RNLS: variants seen among roughly 807,000 people sequenced by gnomAD.
The protein encoded by RNLS is renalase, FAD dependent amine oxidase.
Under a neutral mutation model 39.8 loss-of-function variants are expected in RNLS, and 39 were observed. The ratio of observed to expected loss-of-function variants is 0.98; its 90% CI spans 0.76 to 1.28. The LOEUF is 1.28. Among genes scored for constraint, RNLS ranks in the 50% most tolerant of loss-of-function variants. The probability of loss-of-function intolerance (pLI) is 0.00; values close to 1 mark genes in which losing one functional copy is unlikely to be tolerated. For missense variants in RNLS, 410 were observed against 413.3 expected (o/e 0.99, Z 0.07); for synonymous variants, 147 against 150.7 (o/e 0.98, Z 0.18).
At chr10:88,313,503 T>G (rs1589525919) in intron 6 of RNLS, among the ~76,000 whole-genome samples, 3 of 152,208 alleles carry the variant, frequency 2.0e-5, no homozygotes, top group Non-Finnish European at 4.4e-5. Context: ...TCCCCAAAGA[T>G]TCACTGTGTA....
intron 4 of RNLS, among the ~76,000 whole-genome samples, chr10:88,549,442 T>C (rs1424032236): frequency 2.0e-5 from 3 of 150,900 alleles, no homozygotes. Flanking sequence ...GGTATGCACC[T>C]ATAGTCCCAG....
the RNLS span, among the ~76,000 whole-genome samples, chr10:88,199,748 T>G: frequency 1.3e-5 from 2 of 152,102 alleles, no homozygotes; most frequent in Non-Finnish European, 2.9e-5. Flanking sequence ...AGGGAAAACA[T>G]CTAGATGACC....
At position 88,403,282 on chromosome 10, in the gene RNLS, A is replaced by C. The variant is rs78219446; in HGVS notation, c.527-40557T>G. On this transcript the variant is annotated intron_variant, in intron 4 of 6. Coordinates refer to ENST00000331772, the MANE Select transcript of RNLS (RefSeq NM_001031709.3). ...TTATTTTGATCTTGATCAAACATACAAACTTATATATACATGTGCACATAT... is the reference window on the plus strand; with the variant it reads ...TTATTTTGATCTTGATCAAACATACCAACTTATATATACATGTGCACATAT... 8.1e-3 allele frequency among the ~76,000 whole-genome samples: 1,228 copies of C among 152,234 alleles called. 55 individuals carry two copies. In the East Asian group the frequency reaches 0.12, roughly 15 times the overall value.
intron 4 of RNLS, among the ~76,000 whole-genome samples, chr10:88,390,534 C>T (rs1406875180): frequency 1.3e-5 from 2 of 152,068 alleles, no homozygotes; most frequent in African/African-American, 4.8e-5. Context: ...GAGCAGGGAC[C>T]ATAGCACACA....
intron 5 of RNLS, among the ~76,000 whole-genome samples, chr10:88,352,769 G>A (rs1764940765): frequency 6.6e-6 from 1 of 152,208 alleles, no homozygotes; most frequent in African/African-American, 2.4e-5. Context: ...AGTTTCAGAA[G>A]GAATGGTACC....
chr10:88,346,375 G>A (rs1165206592), intron 5 of RNLS, among the ~76,000 whole-genome samples: 1 of 152,070 alleles, frequency 6.6e-6, no homozygotes, highest in East Asian at 1.9e-4. Context: ...AGGTTTTACT[G>A]ACAATACTAT....
chr10:88,434,231 T>C (rs1195886299), intron 4 of RNLS, among the ~76,000 whole-genome samples: 3 of 152,164 alleles, frequency 2.0e-5, no homozygotes, highest in East Asian at 1.9e-4. Flanking sequence ...CTAGTCGATG[T>C]AGTCATATCG....
rs1436469941 is a variant in RNLS at position 88,548,695 on chromosome 10, ATATAT to A, written c.526+24203_526+24207del. Among the ~76,000 whole-genome samples the A allele has an allele frequency of 3.0e-4, 45 of 147,996 alleles. 2 individuals carry two copies. The East Asian group carries it at 6.0e-3, about 20-fold the overall frequency. On this transcript the variant is annotated intron_variant, in intron 4 of 6. Coordinates refer to ENST00000331772, the MANE Select transcript of RNLS (RefSeq NM_001031709.3). ...ATACATATATACATTTATATATAAT[ATATAT>A]TATATTTAATACATATATATTAAAT...
intron 4 of RNLS, among the ~76,000 whole-genome samples, chr10:88,535,376 G>A (rs896148511): frequency 2.0e-5 from 3 of 151,846 alleles, no homozygotes; most frequent in Non-Finnish European, 4.4e-5. Flanking sequence ...TGTATAGGTT[G>A]GAAACGGGAG....
At chr10:88,179,786 T>C in the RNLS span, among the ~76,000 whole-genome samples, 2 of 152,260 alleles carry the variant, frequency 1.3e-5, no homozygotes, top group African/African-American at 4.8e-5. Flanking sequence ...GTCTTCAGTC[T>C]ATTCTTAGGT....
intron 4 of RNLS, among the ~76,000 whole-genome samples, chr10:88,569,300 A>G (rs189088716): frequency 2.1e-5 from 3 of 140,290 alleles, no homozygotes; most frequent in African/African-American, 8.1e-5. Flanking sequence ...AAGTATTCCA[A>G]TTTAAAAACC....
At chr10:88,527,221 C>T (rs1009351957) in intron 4 of RNLS, among the ~76,000 whole-genome samples, 2 of 152,142 alleles carry the variant, frequency 1.3e-5, no homozygotes, top group Non-Finnish European at 2.9e-5. Context: ...TTTTGCCAGA[C>T]CTTCAGCTTC....
the RNLS span, among the ~76,000 whole-genome samples, chr10:88,176,179 T>C: frequency 1.3e-5 from 2 of 152,056 alleles, no homozygotes; most frequent in Non-Finnish European, 2.9e-5. Flanking sequence ...CTATCTTTTT[T>C]TTTTTTTCTT....
intron 4 of RNLS, among the ~76,000 whole-genome samples, chr10:88,491,835 T>A (rs558240194): frequency 6.6e-6 from 1 of 152,122 alleles, no homozygotes; most frequent in Non-Finnish European, 1.5e-5. Context: ...AGTGATGATA[T>A]GAAATGGAGG....
At chr10:88,478,917 CTCTT>C (rs1464511164) in intron 4 of RNLS, among the ~76,000 whole-genome samples, 5 of 150,294 alleles carry the variant, frequency 3.3e-5, no homozygotes, top group Admixed American at 3.3e-4. Flanking sequence ...CTCTCTCTCT[CTCTT>C]TCTGTCTGTC....
At chr10:88,455,006 T>C (rs1416018258) in intron 4 of RNLS, among the ~76,000 whole-genome samples, 3 of 152,092 alleles carry the variant, frequency 2.0e-5, no homozygotes, top group East Asian at 3.8e-4. Context: ...AGAAACAAGA[T>C]TGAAAGAATA....
chr10:88,375,774 T>A (rs1034091376), intron 4 of RNLS, among the ~76,000 whole-genome samples: 1 of 152,134 alleles, frequency 6.6e-6, no homozygotes, highest in African/African-American at 2.4e-5. Context: ...GGCTACAAAT[T>A]AAATTGCCAT....
At chr10:88,580,321 G>A (rs964906312) in intron 3 of RNLS, among the ~76,000 whole-genome samples, 2 of 152,120 alleles carry the variant, frequency 1.3e-5, no homozygotes, top group Non-Finnish European at 2.9e-5. Context: ...TGGAGAAATG[G>A]TCTAAGCCAG....
intron 4 of RNLS, among the ~76,000 whole-genome samples, chr10:88,446,119 A>T (rs998872818): frequency 2.0e-5 from 3 of 152,238 alleles, no homozygotes; most frequent in African/African-American, 7.2e-5. Flanking sequence ...ACTGTCTCTC[A>T]GACCACAGTG....
Sources: gnomAD v4.1 joint callset for allele counts (sites outside exome capture counted in the v4.1 genomes callset) on GRCh38, gnomAD v4.1.1 for gene constraint, MANE v1.5 for transcripts, NCBI Gene and HGNC (gene_info 2026-07-23, HGNC 2026-07-21) for gene names.